Variants in USP53 observed in about 807,000 individuals in gnomAD.
USP53 encodes ubiquitin carboxyl-terminal hydrolase 53.
A neutral mutation model predicts 94.9 loss-of-function variants in USP53; 71 were observed. The observed-to-expected ratio is 0.75, with a 90% confidence interval of 0.62 to 0.91. USP53 has a LOEUF of 0.91. Among genes scored for constraint, USP53 ranks in the 40% least tolerant of loss-of-function variants. The pLI is 0.00. For synonymous variants in USP53, 375 were observed against 422.7 expected (o/e 0.89, Z 1.39); for missense variants, 1,173 against 1,281.0 (o/e 0.92, Z 1.29).
At chr4:119,240,712 A>G (rs1416822027) in intron 5 of USP53, among the ~76,000 whole-genome samples, 1 of 152,180 alleles carries the variant, frequency 6.6e-6, no homozygotes, top group Non-Finnish European at 1.5e-5. Flanking sequence ...TGACAAATAA[A>G]CACATGTAGA....
At chr4:119,267,860 C>G (rs188192052) in intron 13 of USP53, among the ~76,000 whole-genome samples, 39 of 152,288 alleles carry the variant, frequency 2.6e-4, no homozygotes, top group Admixed American at 3.3e-4. Flanking sequence ...TTTTAAGTAA[C>G]TTTTTTTACA....
chr4:119,268,514 T>A, intron 14 of USP53, 94 bp downstream of exon 14: 1 of 1,266,332 alleles, frequency 7.9e-7, no homozygotes, highest in Non-Finnish European at 1.1e-6. Flanking sequence ...TCCTTGGCTG[T>A]GAAAAGATAA....
Position 119,275,781 on chromosome 4 carries a change from C to T in USP53, c.2251+2073C>T, listed in dbSNP as rs889768783. Among the ~76,000 whole-genome samples the T allele has an allele frequency of 1.7e-3, 266 of 152,170 alleles. 5 individuals carry two copies. The East Asian group carries it at 0.044, about 25-fold the overall frequency. On this transcript the variant is annotated intron_variant, in intron 17 of 18. Transcript: ENST00000692078. ...TATCCTCTTTTATTTCCTTGAGCAG[C>T]GGTTTGTAGTTCTTCTTGAAGAGGT...
chr4:119,259,155 C>T (rs1450579344), intron 9 of USP53, among the ~76,000 whole-genome samples: 1 of 152,024 alleles, frequency 6.6e-6, no homozygotes, highest in Non-Finnish European at 1.5e-5. Context: ...GTGGCACGTG[C>T]CTGTAATCCC....
chr4:119,266,457 G>A (rs892545482), intron 12 of USP53: 6 of 405,022 alleles, frequency 1.5e-5, no homozygotes, highest in East Asian at 7.2e-5. Flanking sequence ...GCAGCACTTC[G>A]TGTTGGTATT....
intron 17 of USP53, among the ~76,000 whole-genome samples, chr4:119,274,504 A>G (rs901158009): frequency 7.2e-5 from 11 of 151,976 alleles, no homozygotes; most frequent in African/African-American, 2.4e-4. Context: ...TCATTGTTGG[A>G]CATTGGGTTG....
chr4:119,283,128 T>C (rs919079288), intron 17 of USP53, among the ~76,000 whole-genome samples: 3 of 152,028 alleles, frequency 2.0e-5, no homozygotes, highest in Admixed American at 6.6e-5. Context: ...AAAGTTGTTA[T>C]ATTTGGGAAC....
intron 17 of USP53, among the ~76,000 whole-genome samples, chr4:119,288,595 C>T (rs1048524697): frequency 5.9e-5 from 9 of 152,116 alleles, no homozygotes; most frequent in Admixed American, 5.2e-4. Context: ...TGAATGGATA[C>T]TTTACTCATG....
intron 14 of USP53, among the ~76,000 whole-genome samples, chr4:119,269,064 G>A (rs941209585): frequency 6.6e-6 from 1 of 152,176 alleles, no homozygotes; most frequent in African/African-American, 2.4e-5. Context: ...TAGTAAGATT[G>A]AGAATTAACA....
At chr4:119,233,376 T>A (rs1746321259) in intron 3 of USP53, among the ~76,000 whole-genome samples, 1 of 152,136 alleles carries the variant, frequency 6.6e-6, no homozygotes, top group Non-Finnish European at 1.5e-5. Flanking sequence ...GAGTTACACA[T>A]CCTGTTTTTA....
At chr4:119,268,458 T>G in intron 14 of USP53, 38 bp downstream of exon 14, 1 of 1,553,876 alleles carries the variant, frequency 6.4e-7, no homozygotes, top group Non-Finnish European at 8.7e-7. Flanking sequence ...TAGTTCCAAG[T>G]GAGTGTCCTC....
Position 119,293,744 on chromosome 4 carries a change from T to C in USP53, c.*533T>C, listed in dbSNP as rs1421656108. ...AGAATTGCTTTATGAAGAAGCACTT[T>C]CTAATGGGTAACCAGAAAAGGGCTT... On this transcript the variant is annotated 3_prime_UTR_variant, in exon 19 of 19. Transcript: ENST00000692078. 2.0e-5 allele frequency: 3 copies of C among 152,232 alleles called. No homozygotes were observed. The highest frequency in any genetic ancestry group is 7.2e-5 in the African/African-American group (3 of 41,434). 9.4% of individuals were successfully genotyped at this position (152,232 alleles called of 1,614,324 possible).
At position 119,239,921 on chromosome 4, in the gene USP53, TATTAC is replaced by T. The variant is rs1340402062; in HGVS notation, c.144+23_144+27del. ...CTGTACAGGTGAGACCATAATTACT[TATTAC>T]ATTAAAAAAAATACTTTTCAGAAAA... On this transcript the variant is annotated intron_variant, in intron 5 of 18. Transcript: ENST00000692078. The T allele has an allele frequency of 7.1e-7, 1 of 1,414,372 alleles. No homozygotes were observed. The highest frequency in any genetic ancestry group is 9.3e-7 in the Non-Finnish European group (1 of 1,075,052). 87.6% of individuals were successfully genotyped at this position (1,414,372 alleles called of 1,614,324 possible). A position where few individuals can be genotyped will look rare whatever the true frequency, so the allele number is the denominator to read the frequency against.
At chr4:119,218,772 A>T (rs1351806080) in intron 3 of USP53, 1 of 152,176 alleles carries the variant, frequency 6.6e-6, no homozygotes, top group South Asian at 2.1e-4. Context: ...CTACTTGAAG[A>T]TGAAGAGTTT....
chr4:119,289,828 G>A (rs1754537441), intron 17 of USP53, among the ~76,000 whole-genome samples: 1 of 152,184 alleles, frequency 6.6e-6, no homozygotes, highest in Admixed American at 6.5e-5. Context: ...CTGAGATGGT[G>A]TTAGGTAAAC....
At position 119,273,239 on chromosome 4, in the gene USP53, A is replaced by AG. The variant is rs538552219; in HGVS notation, c.2175-391dup. The stretch of plus-strand genomic sequence containing the variant: ...CTGAGGTGGGAGGATTTTTGAGCCC[A>AG]GGAGGTCGAGGCTGCAGTGAACCAT... On this transcript the variant is annotated intron_variant, in intron 16 of 18. Transcript: ENST00000692078. The AG allele has an allele frequency of 4.9e-3, 750 of 153,438 alleles. 12 individuals are homozygous for AG. Among genetic ancestry groups the AG allele is most frequent in the Non-Finnish European group, 4.7e-3 (324 of 69,024 alleles). 9.5% of individuals were successfully genotyped at this position (153,438 alleles called of 1,614,324 possible).
chr4:119,273,599 C>A (rs758948742), intron 16 of USP53, 33 bp from the exon 17 acceptor site: 7 of 1,544,942 alleles, frequency 4.5e-6, no homozygotes, highest in Non-Finnish European at 6.2e-6. Flanking sequence ...GTCCATAATA[C>A]CTGATGTGTT....
At chr4:119,255,907 T>G (rs2149372245) in intron 7 of USP53, among the ~76,000 whole-genome samples, 1 of 152,342 alleles carries the variant, frequency 6.6e-6, no homozygotes, top group Admixed American at 6.5e-5. Flanking sequence ...ATCTGTTTTT[T>G]CTTCATTTGA....
At chr4:119,281,896 A>G (rs1470310758) in intron 17 of USP53, among the ~76,000 whole-genome samples, 2 of 152,128 alleles carry the variant, frequency 1.3e-5, no homozygotes, top group Non-Finnish European at 2.9e-5. Flanking sequence ...CTGTTGTGCA[A>G]CGATTACTAC....
Sources: allele counts gnomAD v4.1 joint callset (sites outside exome capture counted in the v4.1 genomes callset), GRCh38; gene constraint gnomAD v4.1.1; transcripts MANE v1.5; gene names NCBI Gene and HGNC (gene_info 2026-07-23, HGNC 2026-07-21).